The following ZNF609 variants were observed in gnomAD, a reference collection of about 807,000 sequenced individuals.
ZNF609 encodes zinc finger protein 609.
Under a neutral mutation model 109.5 loss-of-function variants are expected in ZNF609, and 11 were observed. The observed-to-expected ratio is 0.10, with a 90% confidence interval of 0.06 to 0.17. The LOEUF is 0.17. ZNF609 is among the 10% of genes least tolerant of loss of function. The pLI, the probability that ZNF609 is intolerant of heterozygous loss-of-function variation, is 1.00. For synonymous variants in ZNF609, 646 were observed against 662.0 expected, an observed-to-expected ratio of 0.98 and a Z score of 0.37; for missense variants, 1,559 against 1,772.4, an observed-to-expected ratio of 0.88 and a Z score of 2.16.
chr15:64,674,987 G>A lies in ZNF609; in HGVS notation c.2133G>A (p.Met711Ile). The part of the protein sequence containing the change: ...LKPIQPKPTV[M>I]GEPFTVNPAL... The stretch of plus-strand genomic sequence containing the variant: ...CCATTCAGCCCAAGCCCACTGTTAT[G>A]GGAGAACCTTTCACAGTCAACCCTG... Residue 711 changes from methionine to isoleucine, a missense_variant, in exon 5 of 10, where the codon ATG becomes ATA. By Grantham distance (10) the Met-to-Ile change is conservative. Around this residue, in one of 4 missense-constraint regions of ZNF609, gnomAD observed 1,204 missense variants for 1,314.1 expected, o/e 0.92. Coordinates refer to ENST00000326648, the MANE Select transcript of ZNF609 (RefSeq NM_015042.2). 4 of 1,614,020 alleles carry A rather than the reference G, an allele frequency of 2.5e-6. No individual in the cohort carries two copies. Among genetic ancestry groups the A allele is most frequent in the Non-Finnish European group, 3.4e-6 (4 of 1,180,018 alleles).
chr15:64,539,929 G>A (rs778697819), intron 2 of ZNF609, among the ~76,000 whole-genome samples: 9 of 152,008 alleles, frequency 5.9e-5, no homozygotes, highest in Non-Finnish European at 1.2e-4. Flanking sequence ...GAGCCACTGC[G>A]CCCAGCCTTT....
chr15:64,500,340 C>T, intron 2 of ZNF609, 174 bp downstream of exon 2: 1 of 904,770 alleles, frequency 1.1e-6, no homozygotes, highest in Non-Finnish European at 1.8e-6. Flanking sequence ...TTAGAGGATT[C>T]CCCTACAGAC....
chr15:64,662,600 C>T (rs1896595004), intron 3 of ZNF609, among the ~76,000 whole-genome samples: 1 of 152,194 alleles, frequency 6.6e-6, no homozygotes, highest in Non-Finnish European at 1.5e-5. Context: ...GCTGAGATTA[C>T]AGGCATGAGC....
intron 8 of ZNF609, 110 bp from the exon 9 acceptor site, chr15:64,681,198 AT>A: frequency 1.1e-6 from 1 of 927,322 alleles, no homozygotes; most frequent in Non-Finnish European, 1.7e-6. Context: ...CAGCAAATAT[AT>A]CTGGCTGAGT....
At chr15:64,568,036 C>G (rs150325147) in intron 2 of ZNF609, among the ~76,000 whole-genome samples, 1 of 152,084 alleles carries the variant, frequency 6.6e-6, no homozygotes, top group Admixed American at 6.5e-5. Flanking sequence ...AATGATCACC[C>G]ACCACCTAGA....
intron 2 of ZNF609, among the ~76,000 whole-genome samples, chr15:64,528,244 C>T (rs1042207784): frequency 3.3e-5 from 5 of 151,618 alleles, no homozygotes; most frequent in East Asian, 1.9e-4. Flanking sequence ...ACTACAGGTG[C>T]GTGCCACCAC....
intron 1 of ZNF609, among the ~76,000 whole-genome samples, chr15:64,496,172 C>T (rs1345882231): frequency 6.6e-6 from 1 of 152,148 alleles, no homozygotes; most frequent in Non-Finnish European, 1.5e-5. Context: ...TATCATGCAT[C>T]CTGCAGCAGG....
intron 2 of ZNF609, among the ~76,000 whole-genome samples, chr15:64,579,522 C>A (rs1895059623): frequency 6.6e-6 from 1 of 151,660 alleles, no homozygotes; most frequent in Non-Finnish European, 1.5e-5. Context: ...ACTAGCCTGG[C>A]CAACATGGTG....
intron 1 of ZNF609, among the ~76,000 whole-genome samples, chr15:64,494,874 T>C (rs1412123982): frequency 1.3e-5 from 2 of 152,152 alleles, no homozygotes; most frequent in Non-Finnish European, 2.9e-5. Flanking sequence ...TGTTCTCCTT[T>C]CCAGACCAAA....
intron 3 of ZNF609, among the ~76,000 whole-genome samples, chr15:64,627,149 C>T (rs1290165999): frequency 1.3e-5 from 2 of 150,988 alleles, no homozygotes; most frequent in African/African-American, 4.9e-5. Flanking sequence ...GAGAGTGTGC[C>T]ACTACACTCC....
rs1028965990 is a variant in ZNF609 at position 64,681,749 on chromosome 15, G to A, written c.*63G>A. On this transcript the variant is annotated 3_prime_UTR_variant, in exon 10 of 10. Coordinates refer to ENST00000326648, the MANE Select transcript of ZNF609 (RefSeq NM_015042.2). ...GGCCCGGACTGGCTTACCCAAGGAG[G>A]TGCTGAAGGTGCCGTTTAGACATCA... 1.2e-4 allele frequency: 23 copies of A among 191,566 alleles called. No homozygotes were observed. The highest frequency in any genetic ancestry group is 4.8e-4 in the African/African-American group (21 of 43,578). The allele number at this position is 191,566 out of a possible 1,614,324, so 11.9% of individuals were successfully genotyped here.
In ZNF609 at chr15:64,682,837, C is replaced by T. The variant is rs1050157266; in HGVS notation, c.*1151C>T. The T allele has an allele frequency of 2.0e-5, 3 of 152,604 alleles. No homozygotes were observed. The highest frequency in any genetic ancestry group is 4.1e-4 in the South Asian group (2 of 4,834). 9.5% of individuals were successfully genotyped at this position (152,604 alleles called of 1,614,324 possible). On this transcript the variant is annotated 3_prime_UTR_variant, in exon 10 of 10. Transcript: ENST00000326648. The stretch of plus-strand genomic sequence containing the variant: ...AGTACATGATTTTATATAGCTCAGT[C>T]TATAACCTCCATGTGGGCCAATATA...
intron 2 of ZNF609, among the ~76,000 whole-genome samples, chr15:64,512,106 C>T (rs758638579): frequency 2.6e-5 from 4 of 151,794 alleles, no homozygotes; most frequent in African/African-American, 4.8e-5. Flanking sequence ...TTTCATTGCT[C>T]AGTGTACAGG....
In ZNF609 at chr15:64,499,962, G is replaced by A. The variant is rs377668262; in HGVS notation, c.543G>A (p.Lys181=). ...RSEGVGTCSE[K]DPGVLQPVPL... ...AAGGAGTGGGGACTTGTTCAGAAAA[G>A]GATCCTGGGGTCCTCCAGCCAGTTC... Residue 181 remains lysine (K), a synonymous_variant, in exon 2 of 10, where the codon AAG becomes AAA. Coordinates refer to ENST00000326648, the MANE Select transcript of ZNF609 (RefSeq NM_015042.2). The A allele has an allele frequency of 6.2e-7, 1 of 1,613,984 alleles. No homozygotes were observed. The highest frequency in any genetic ancestry group is 8.5e-7 in the Non-Finnish European group (1 of 1,180,004).
chr15:64,661,253 C>T (rs932915090), intron 3 of ZNF609, among the ~76,000 whole-genome samples: 20 of 152,246 alleles, frequency 1.3e-4, no homozygotes, highest in African/African-American at 4.1e-4. Context: ...TGAGCCACCA[C>T]GACTGGCCGC....
chr15:64,561,553 T>C (rs1181588607), intron 2 of ZNF609, among the ~76,000 whole-genome samples: 2 of 124,480 alleles, frequency 1.6e-5, no homozygotes, highest in Non-Finnish European at 3.6e-5. Flanking sequence ...TTTCTTTTTC[T>C]TTTTTTTTTT....
Position 64,685,492 on chromosome 15 carries a change from T to C in ZNF609, c.*3806T>C, listed in dbSNP as rs2083235452. On this transcript the variant is annotated 3_prime_UTR_variant, in exon 10 of 10. Transcript: ENST00000326648. ...CAGCATTGTTTTCTGGCTTGGCCAC[T>C]GGCTTAGCCCAGGAGCTTTACTCTG... is the stretch of plus-strand genomic sequence containing the variant. The C allele has an allele frequency of 6.5e-6, 1 of 152,802 alleles. No homozygotes were observed. Among genetic ancestry groups the C allele is most frequent in the African/African-American group, 2.4e-5 (1 of 41,448 alleles). The allele number at this position is 152,802 out of a possible 1,614,324, so 9.5% of individuals were successfully genotyped here. A position where few individuals can be genotyped will look rare whatever the true frequency, so the allele number is the denominator to read the frequency against.
At chr15:64,681,642 T>C in intron 9 of ZNF609, 50 bp from the exon 10 acceptor site, 1 of 384,148 alleles carries the variant, frequency 2.6e-6, no homozygotes, top group Non-Finnish European at 4.7e-6. Context: ...CTTGTGGTTT[T>C]TTTACCAACA....
chr15:64,572,319 G>A (rs538074107), intron 2 of ZNF609, among the ~76,000 whole-genome samples: 2 of 152,068 alleles, frequency 1.3e-5, no homozygotes, highest in Non-Finnish European at 2.9e-5. Flanking sequence ...CCCATTGTGA[G>A]ACCTCATTCT....
Sources: gnomAD v4.1 joint callset for allele counts (sites outside exome capture counted in the v4.1 genomes callset) on GRCh38, gnomAD v4.1.1 for gene constraint, gnomAD v4.1.1 regional missense constraint, MANE v1.5 for transcripts, NCBI Gene and HGNC (gene_info 2026-07-23, HGNC 2026-07-21) for gene names.